The following BRINP1 variants were observed in gnomAD, a reference collection of about 807,000 sequenced individuals.
The protein encoded by BRINP1 is BMP/retinoic acid-inducible neural-specific protein 1.
In BRINP1, 17 loss-of-function variants were observed where a neutral mutation model predicts 72.9. The observed-to-expected ratio is 0.23, with a 90% CI of 0.16 to 0.35. BRINP1 has a LOEUF of 0.35. Ranked by LOEUF, BRINP1 falls within the 10% of genes least tolerant of loss-of-function variation. BRINP1 has a pLI of 1.00. For missense variants in BRINP1, 850 were observed against 1,001.6 expected (o/e 0.85, Z 2.04); for synonymous variants, 418 against 378.5 (o/e 1.10, Z -1.21).
chr9:119,191,323 T>C lies in BRINP1; in HGVS notation c.1145+17396A>G, dbSNP rs528759422. Among the ~76,000 whole-genome samples the C allele has an allele frequency of 2.5e-4, 38 of 151,572 alleles. No individual in the cohort carries two copies. In the East Asian group the frequency reaches 2.9e-3, roughly 12 times the overall value. ...AAAAAGAAATAAAAAAGCATCCAAATCAGAAAGGAAGAAGTAGAATAAACT... is the reference window on the plus strand; with the variant it reads ...AAAAAGAAATAAAAAAGCATCCAAACCAGAAAGGAAGAAGTAGAATAAACT... On this transcript the variant is annotated intron_variant, in intron 7 of 7. Transcript: ENST00000265922.
chr9:119,206,082 T>G (rs1233074708), intron 7 of BRINP1, among the ~76,000 whole-genome samples: 1 of 152,116 alleles, frequency 6.6e-6, no homozygotes, highest in East Asian at 1.9e-4. Flanking sequence ...TGAGGCCATT[T>G]AGGTCAGCTC....
chr9:119,303,875 C>CT (rs11292229), intron 2 of BRINP1, among the ~76,000 whole-genome samples: 459 of 138,736 alleles, frequency 3.3e-3, no homozygotes, highest in Non-Finnish European at 4.4e-3. Flanking sequence ...CTCTTTTTTT[C>CT]TTTTTTTTTT....
chr9:119,168,913 A>AGAC (rs984982455), intron 7 of BRINP1, among the ~76,000 whole-genome samples: 5 of 152,214 alleles, frequency 3.3e-5, no homozygotes, highest in African/African-American at 1.2e-4. Flanking sequence ...CCATTGTGGA[A>AGAC]GACAGTGTGG....
chr9:119,297,300 G>A (rs535874184), intron 2 of BRINP1, among the ~76,000 whole-genome samples: 1 of 152,334 alleles, frequency 6.6e-6, no homozygotes, highest in South Asian at 2.1e-4. Context: ...ATGATACAGT[G>A]TTGAGGACAG....
At chr9:119,259,990 C>G (rs1308294870) in intron 2 of BRINP1, among the ~76,000 whole-genome samples, 1 of 152,170 alleles carries the variant, frequency 6.6e-6, no homozygotes, top group Non-Finnish European at 1.5e-5. Flanking sequence ...CATCTCAGAG[C>G]CTCCCCCAAA....
chr9:119,183,197 T>C (rs920169633), intron 7 of BRINP1, among the ~76,000 whole-genome samples: 1 of 152,162 alleles, frequency 6.6e-6, no homozygotes, highest in Non-Finnish European at 1.5e-5. Flanking sequence ...AAAAGGCATA[T>C]ATAAAGACAT....
At chr9:119,239,670 T>G (rs1830227967) in intron 4 of BRINP1, among the ~76,000 whole-genome samples, 1 of 152,254 alleles carries the variant, frequency 6.6e-6, no homozygotes, top group South Asian at 2.1e-4. Flanking sequence ...TCAGTAACTT[T>G]CTCTTTCTAA....
At chr9:119,313,635 T>G (rs1831092473) in intron 1 of BRINP1, among the ~76,000 whole-genome samples, 4 of 152,232 alleles carry the variant, frequency 2.6e-5, no homozygotes, top group African/African-American at 9.6e-5. Context: ...CCCATTTTGC[T>G]GTTCACATAT....
At chr9:119,177,364 C>T (rs1349488814) in intron 7 of BRINP1, among the ~76,000 whole-genome samples, 2 of 152,136 alleles carry the variant, frequency 1.3e-5, no homozygotes, top group Non-Finnish European at 2.9e-5. Context: ...GCTCCCACCT[C>T]CCAAACCAGA....
intron 1 of BRINP1, among the ~76,000 whole-genome samples, chr9:119,349,800 C>T (rs941751373): frequency 1.3e-5 from 2 of 152,154 alleles, no homozygotes; most frequent in East Asian, 1.9e-4. Context: ...GGGGAAAACA[C>T]GTAGGCAGGA....
chr9:119,294,620 C>T (rs571333093), intron 2 of BRINP1, among the ~76,000 whole-genome samples: 75 of 152,214 alleles, frequency 4.9e-4, no homozygotes, highest in African/African-American at 1.7e-3. Flanking sequence ...AATCCCAGCA[C>T]TTTGGAAGGC....
chr9:119,218,017 A>T (rs868822811), intron 5 of BRINP1, among the ~76,000 whole-genome samples: 7 of 152,040 alleles, frequency 4.6e-5, no homozygotes, highest in South Asian at 2.1e-4. Context: ...AATTTTTTTC[A>T]TAGGATTAAT....
At chr9:119,173,674 G>A (rs922406997) in intron 7 of BRINP1, among the ~76,000 whole-genome samples, 18 of 143,864 alleles carry the variant, frequency 1.3e-4, no homozygotes, top group African/African-American at 2.8e-4. Flanking sequence ...AAAAGAGCCC[G>A]CATCGCCAAG....
chr9:119,183,543 C>A (rs1383087385), intron 7 of BRINP1, among the ~76,000 whole-genome samples: 1 of 152,138 alleles, frequency 6.6e-6, no homozygotes, highest in Non-Finnish European at 1.5e-5. Context: ...TGATCTGGTG[C>A]TGGTCATACG....
At chr9:119,248,230 C>T (rs527691895) in intron 3 of BRINP1, among the ~76,000 whole-genome samples, 93 of 152,314 alleles carry the variant, frequency 6.1e-4, no homozygotes, top group Middle Eastern at 3.4e-3. Context: ...TGTGGCACAG[C>T]GCTCTATCAC....
intron 1 of BRINP1, among the ~76,000 whole-genome samples, chr9:119,347,118 C>A (rs1296372152): frequency 6.6e-6 from 1 of 152,158 alleles, no homozygotes; most frequent in African/African-American, 2.4e-5. Flanking sequence ...TTAATGCCTG[C>A]AATCCTGCCA....
intron 1 of BRINP1, among the ~76,000 whole-genome samples, chr9:119,320,262 C>T (rs957606271): frequency 6.6e-6 from 1 of 152,080 alleles, no homozygotes; most frequent in Non-Finnish European, 1.5e-5. Context: ...GGCAGCTGAT[C>T]GCCCATCTCT....
chr9:119,237,107 A>G (rs1052848348), intron 5 of BRINP1, among the ~76,000 whole-genome samples: 5 of 152,180 alleles, frequency 3.3e-5, no homozygotes, highest in Non-Finnish European at 5.9e-5. Flanking sequence ...TTTACCTGCC[A>G]ATCTCAACCC....
intron 2 of BRINP1, among the ~76,000 whole-genome samples, chr9:119,285,762 T>TG (rs1256837739): frequency 6.6e-6 from 1 of 152,202 alleles, no homozygotes; most frequent in African/African-American, 2.4e-5. Context: ...AGAGGATTTC[T>TG]GGTGCCTTGG....
Sources: allele counts gnomAD v4.1 joint callset (sites outside exome capture counted in the v4.1 genomes callset), GRCh38; gene constraint gnomAD v4.1.1; transcripts MANE v1.5; gene names NCBI Gene and HGNC (gene_info 2026-07-23, HGNC 2026-07-21).